DSCAM: variants seen among roughly 807,000 people sequenced by gnomAD.
DSCAM encodes cell adhesion molecule DSCAM.
A neutral mutation model predicts 217.7 loss-of-function variants in DSCAM; 47 were observed. The ratio of observed to expected loss-of-function variants is 0.22; its 90% CI spans 0.17 to 0.28. DSCAM has a LOEUF of 0.28. Among genes scored for constraint, DSCAM ranks in the 10% least tolerant of loss-of-function variants. The pLI is 1.00. For synonymous variants in DSCAM, 1,056 were observed against 1,015.3 expected (o/e 1.04, Z -0.76); for missense variants, 2,080 against 2,618.3 (o/e 0.79, Z 4.49).
intron 12 of DSCAM, among the ~76,000 whole-genome samples, chr21:40,188,294 A>C (rs2090917377): frequency 6.6e-6 from 1 of 152,346 alleles, no homozygotes; most frequent in East Asian, 1.9e-4. Context: ...AATTTATATA[A>C]GATGTCGTGG....
At chr21:40,696,347 A>G (rs1331363722) in intron 2 of DSCAM, among the ~76,000 whole-genome samples, 1 of 152,188 alleles carries the variant, frequency 6.6e-6, no homozygotes, top group African/African-American at 2.4e-5. Flanking sequence ...GCAAGGACAC[A>G]ATCCCCTGAG....
intron 32 of DSCAM, among the ~76,000 whole-genome samples, chr21:40,021,029 G>C (rs1268451824): frequency 1.3e-5 from 2 of 151,742 alleles, no homozygotes; most frequent in African/African-American, 2.4e-5. Flanking sequence ...AACATACCAG[G>C]GTCAGGGGAG....
chr21:40,669,312 T>C (rs1454173259), intron 3 of DSCAM, among the ~76,000 whole-genome samples: 2 of 152,126 alleles, frequency 1.3e-5, no homozygotes, highest in Non-Finnish European at 2.9e-5. Context: ...GAAAGCTCCT[T>C]ATATCTAGGA....
intron 19 of DSCAM, among the ~76,000 whole-genome samples, chr21:40,132,479 TAG>T (rs2090163676): frequency 1.3e-5 from 2 of 152,226 alleles, no homozygotes; most frequent in African/African-American, 2.4e-5. Flanking sequence ...ATTTGAACCT[TAG>T]ATTCCCTAAA....
chr21:40,680,570 T>C (rs571529406), intron 3 of DSCAM, among the ~76,000 whole-genome samples: 2 of 152,240 alleles, frequency 1.3e-5, no homozygotes, highest in African/African-American at 2.4e-5. Context: ...GCTTATTTAC[T>C]GTATCTGTTT....
At chr21:40,726,441 C>T (rs2090956236) in intron 1 of DSCAM, among the ~76,000 whole-genome samples, 1 of 151,746 alleles carries the variant, frequency 6.6e-6, no homozygotes. Context: ...CATTCACAGT[C>T]CATAAAATCA....
At chr21:40,296,247 T>C (rs2073952615) in intron 9 of DSCAM, 73 bp from the exon 10 acceptor site, 2 of 1,496,628 alleles carry the variant, frequency 1.3e-6, no homozygotes, top group Non-Finnish European at 1.8e-6. Context: ...TCTAAGAAAC[T>C]GAATCATTTT....
chr21:40,095,758 A>C (rs950844530), intron 20 of DSCAM, among the ~76,000 whole-genome samples: 4 of 152,250 alleles, frequency 2.6e-5, no homozygotes, highest in African/African-American at 4.8e-5. Context: ...AATCAATCAA[A>C]ATTCACCCAT....
chr21:40,603,125 T>G (rs1040389491), intron 3 of DSCAM, among the ~76,000 whole-genome samples: 2 of 152,154 alleles, frequency 1.3e-5, no homozygotes, highest in African/African-American at 4.8e-5. Context: ...ATTTAGAGAT[T>G]TGCAGCTGTC....
chr21:40,503,542 G>A (rs2076186610), intron 3 of DSCAM, among the ~76,000 whole-genome samples: 1 of 152,184 alleles, frequency 6.6e-6, no homozygotes, highest in Admixed American at 6.5e-5. Context: ...AAGTGAGCAG[G>A]TGGCAGTGCT....
intron 9 of DSCAM, among the ~76,000 whole-genome samples, chr21:40,302,674 C>T (rs192246192): frequency 6.6e-6 from 1 of 152,194 alleles, no homozygotes; most frequent in Non-Finnish European, 1.5e-5. Flanking sequence ...CTCCTGTCTC[C>T]CCAAAAAGAA....
intron 1 of DSCAM, among the ~76,000 whole-genome samples, chr21:40,789,989 A>G (rs552681322): frequency 3.3e-5 from 5 of 152,174 alleles, no homozygotes; most frequent in South Asian, 2.1e-4. Context: ...GGCTTTGCCA[A>G]TTTAGCGGAA....
In DSCAM at chr21:40,093,759, T is replaced by C; in HGVS notation, c.3812A>G (p.Asn1271Ser). Residue 1271 changes from asparagine to serine, a missense_variant, in exon 21 of 33, where the codon AAC becomes AGC. Transcript: ENST00000400454. ...CTCGACTGTGATGATTTCACTGCTGTTGCCTCTTCCGGCTGAAGTAACAGC... is the reference window on the plus strand; with the variant it reads ...CTCGACTGTGATGATTTCACTGCTGCTGCCTCTTCCGGCTGAAGTAACAGC... Reference protein sequence around the residue: ...VVAVTSAGRGNSSEIITVEPL... With the variant: ...VVAVTSAGRGSSSEIITVEPL... 6.2e-7 allele frequency: 1 copy of C among 1,613,982 alleles called. No individual in the cohort carries two copies. Among genetic ancestry groups the C allele is most frequent in the South Asian group, 1.1e-5 (1 of 91,074 alleles).
intron 12 of DSCAM, 27 bp downstream of exon 12, chr21:40,189,015 A>G (rs200737963): frequency 6.2e-7 from 1 of 1,608,444 alleles, no homozygotes; most frequent in Non-Finnish European, 8.5e-7. Flanking sequence ...AGTTCATTCC[A>G]TTGTGTTGTA....
In DSCAM at chr21:40,187,205, G is replaced by A. The variant is rs967097762; in HGVS notation, c.2705C>T (p.Thr902Met). 2.0e-5 allele frequency: 33 copies of A among 1,614,032 alleles called. No individual in the cohort carries two copies. Among genetic ancestry groups the A allele is most frequent in the Non-Finnish European group, 2.5e-5 (29 of 1,179,994 alleles). The part of the protein sequence containing the change: ...EIKDVKARTI[T>M]LRWTMGFDGN... ...ATCAAACCCCATGGTCCACCTGAGCGTAATTGTGCGTGCTTTGACATCTTT... is the reference window on the plus strand; with the variant it reads ...ATCAAACCCCATGGTCCACCTGAGCATAATTGTGCGTGCTTTGACATCTTT... The change falls in exon 14 of 33, where the codon ACG (threonine) becomes ATG (methionine). Residue 902 changes from threonine to methionine, a missense_variant. Coordinates refer to ENST00000400454, the MANE Select transcript of DSCAM (RefSeq NM_001389.5).
At chr21:40,087,927 G>A (rs2089553581) in intron 21 of DSCAM, among the ~76,000 whole-genome samples, 1 of 152,206 alleles carries the variant, frequency 6.6e-6, no homozygotes, top group East Asian at 1.9e-4. Context: ...CCAGAAGACA[G>A]TCAGAAAAAG....
At chr21:40,675,033 G>GCACACACA (rs1568977455) in intron 3 of DSCAM, among the ~76,000 whole-genome samples, 36 of 58,360 alleles carry the variant, frequency 6.2e-4, no homozygotes, top group African/African-American at 1.5e-3. Flanking sequence ...ACACACACAT[G>GCACACACA]CACGCGCACA....
At chr21:40,803,936 C>T (rs2091764229) in intron 1 of DSCAM, among the ~76,000 whole-genome samples, 1 of 152,174 alleles carries the variant, frequency 6.6e-6, no homozygotes, top group South Asian at 2.1e-4. Flanking sequence ...TACAAAATGA[C>T]CATTTCTCCT....
chr21:40,566,598 A>G (rs1170301077), intron 3 of DSCAM, among the ~76,000 whole-genome samples: 3 of 152,170 alleles, frequency 2.0e-5, no homozygotes, highest in Admixed American at 2.0e-4. Flanking sequence ...GTTTCAGATT[A>G]TTTCTAATTC....
Sources: gnomAD v4.1 joint callset for allele counts (sites outside exome capture counted in the v4.1 genomes callset) on GRCh38, gnomAD v4.1.1 for gene constraint, MANE v1.5 for transcripts, NCBI Gene and HGNC (gene_info 2026-07-23, HGNC 2026-07-21) for gene names.